The following PTPRK variants were observed in gnomAD, a reference collection of about 807,000 sequenced individuals.
The protein encoded by PTPRK is receptor-type tyrosine-protein phosphatase kappa.
In PTPRK, 75 loss-of-function variants were observed where a neutral mutation model predicts 178.0. The ratio of observed to expected loss-of-function variants is 0.42; its 90% confidence interval spans 0.35 to 0.51. The LOEUF is 0.51. Ranked by LOEUF, PTPRK falls within the 20% of genes least tolerant of loss-of-function variation. The probability of loss-of-function intolerance (pLI) is 0.02; values close to 1 mark genes in which losing one functional copy is unlikely to be tolerated. For missense variants in PTPRK, 1,441 were observed against 1,797.8 expected, an observed-to-expected ratio of 0.80 and a Z score of 3.59; for synonymous variants, 637 against 620.6, an observed-to-expected ratio of 1.03 and a Z score of -0.39.
chr6:128,394,591 T>G (rs777358347), intron 2 of PTPRK, among the ~76,000 whole-genome samples: 13 of 152,216 alleles, frequency 8.5e-5, no homozygotes, highest in Non-Finnish European at 1.9e-4. Flanking sequence ...TCATATGATT[T>G]GGGGACACTA....
intron 1 of PTPRK, among the ~76,000 whole-genome samples, chr6:128,461,992 T>A (rs1012267937): frequency 6.6e-6 from 1 of 152,172 alleles, no homozygotes; most frequent in African/African-American, 2.4e-5. Context: ...TTTGTTGGTA[T>A]TTTTTTCTTT....
intron 2 of PTPRK, among the ~76,000 whole-genome samples, chr6:128,327,655 A>G (rs774016473): frequency 1.3e-5 from 2 of 152,196 alleles, no homozygotes; most frequent in Non-Finnish European, 2.9e-5. Context: ...TCAGAAGGGT[A>G]ATTTTGTTCT....
At chr6:127,990,984 T>C in intron 20 of PTPRK, 99 bp from the exon 21 acceptor site, 1 of 753,402 alleles carries the variant, frequency 1.3e-6, no homozygotes, top group South Asian at 2.0e-5. Context: ...CAATTAAAAC[T>C]CAGTTTAAAA....
chr6:128,330,803 C>T (rs1325435609), intron 2 of PTPRK, among the ~76,000 whole-genome samples: 1 of 152,002 alleles, frequency 6.6e-6, no homozygotes, highest in Non-Finnish European at 1.5e-5. Flanking sequence ...TCTTACACCT[C>T]TCTTCCCTTA....
chr6:128,091,448 C>A (rs1278105305), intron 7 of PTPRK, among the ~76,000 whole-genome samples: 1 of 152,264 alleles, frequency 6.6e-6, no homozygotes, highest in Admixed American at 6.5e-5. Context: ...TGACTGCCCA[C>A]CAGCTAACCA....
rs562187809 is a variant in PTPRK at position 128,175,321 on chromosome 6, G to T, written c.1162+9111C>A. 4.6e-5 allele frequency among the ~76,000 whole-genome samples: 7 copies of T among 151,862 alleles called. No homozygotes were observed. In the East Asian group the frequency reaches 5.8e-4, roughly 13 times the overall value. The stretch of plus-strand genomic sequence containing the variant: ...TTGGCCTTGATGGTGTCAGTAAAGC[G>T]CATTGATATAATACTTTCAAAAAGT... On this transcript the variant is annotated intron_variant, in intron 7 of 29. Transcript: ENST00000368226.
In PTPRK at chr6:128,359,624, C is replaced by T. The variant is rs147966784; in HGVS notation, c.224-37314G>A. Among the ~76,000 whole-genome samples, 580 of 151,990 alleles carry T rather than the reference C, an allele frequency of 3.8e-3. 10 individuals are homozygous for T. The highest frequency in any genetic ancestry group is 2.3e-3 in the East Asian group (12 of 5,152). ...AAAAGTAGCCAGGTGTGGTGGCAAG[C>T]GCCTGTAATCCCAGCTACTTGGGAG... On this transcript the variant is annotated intron_variant, in intron 2 of 29. Coordinates refer to ENST00000368226, the MANE Select transcript of PTPRK (RefSeq NM_002844.4).
chr6:128,076,593 G>T (rs1032587130), intron 11 of PTPRK, among the ~76,000 whole-genome samples: 7 of 151,882 alleles, frequency 4.6e-5, no homozygotes, highest in Admixed American at 2.0e-4. Flanking sequence ...AATATTCCAG[G>T]ATTTAAATTT....
At chr6:128,035,367 A>AAAATAAATAAATAAATAAAT (rs34826115) in intron 13 of PTPRK, among the ~76,000 whole-genome samples, 41 of 151,042 alleles carry the variant, frequency 2.7e-4, no homozygotes, top group African/African-American at 9.8e-4. Flanking sequence ...ACTCTGTCTC[A>AAAATAAATAAATAAATAAAT]AAATAAATAA....
intron 14 of PTPRK, among the ~76,000 whole-genome samples, chr6:128,008,277 G>C (rs1462842000): frequency 2.0e-5 from 3 of 150,754 alleles, no homozygotes; most frequent in African/African-American, 7.3e-5. Context: ...AGAATTCACT[G>C]ATCACAACCA....
chr6:128,447,627 C>G (rs1336658892), intron 1 of PTPRK, among the ~76,000 whole-genome samples: 1 of 146,938 alleles, frequency 6.8e-6, no homozygotes, highest in Non-Finnish European at 1.5e-5. Context: ...CAAAACCGTG[C>G]CTTTTTTTTT....
chr6:128,230,824 A>G (rs1423118852), intron 5 of PTPRK: 1 of 152,200 alleles, frequency 6.6e-6, no homozygotes, highest in Non-Finnish European at 1.5e-5. Flanking sequence ...TATCGATAAA[A>G]AGCAATCCTT....
chr6:128,053,610 TCACCTC>T (rs531985932), intron 13 of PTPRK, among the ~76,000 whole-genome samples: 32 of 152,246 alleles, frequency 2.1e-4, no homozygotes, highest in African/African-American at 7.5e-4. Context: ...CCCCAACAGT[TCACCTC>T]CACATGTGGA....
At position 127,991,530 on chromosome 6, in the gene PTPRK, T is replaced by G. The variant is rs1468839438; in HGVS notation, c.2882-139A>C. ...CAAAATGTCACTGAAAATACTTAAATTCAGTTCATATCTAAATTCCCACAA... is the reference window on the plus strand; with the variant it reads ...CAAAATGTCACTGAAAATACTTAAAGTCAGTTCATATCTAAATTCCCACAA... On this transcript the variant is annotated intron_variant, in intron 19 of 29. Coordinates refer to ENST00000368226, the MANE Select transcript of PTPRK (RefSeq NM_002844.4). 3 of 520,308 alleles carry G rather than the reference T, an allele frequency of 5.8e-6. No individual in the cohort carries two copies. The East Asian group carries it at 1.0e-4, about 18-fold the overall frequency. The allele number at this position is 520,308 out of a possible 1,614,324, so 32.2% of individuals were successfully genotyped here. A position where few individuals can be genotyped will look rare whatever the true frequency, so the allele number is the denominator to read the frequency against.
chr6:128,080,730 C>T lies in PTPRK; in HGVS notation c.1777+1707G>A, dbSNP rs117248973. ...TTTAAATGCTGAGAAATGTAATTAC[C>T]GGACTCAGGGAATAAATTTGACAAT... On this transcript the variant is annotated intron_variant, in intron 10 of 29. Transcript: ENST00000368226. Among the ~76,000 whole-genome samples, 80 of 151,842 alleles carry T rather than the reference C, an allele frequency of 5.3e-4. 1 individual carries two copies. The highest frequency in any genetic ancestry group is 8.8e-4 in the Non-Finnish European group (60 of 67,898).
At chr6:128,026,222 T>C (rs1774267040) in intron 13 of PTPRK, among the ~76,000 whole-genome samples, 1 of 152,220 alleles carries the variant, frequency 6.6e-6, no homozygotes. Context: ...TTCCGTTGTT[T>C]GTAATTTGTT....
chr6:128,266,977 AACTT>A (rs1819053848), intron 3 of PTPRK, among the ~76,000 whole-genome samples: 1 of 152,148 alleles, frequency 6.6e-6, no homozygotes, highest in Non-Finnish European at 1.5e-5. Context: ...ACTGTAAGGA[AACTT>A]ATTTATTATG....
At chr6:128,297,527 C>G (rs561052760) in intron 3 of PTPRK, among the ~76,000 whole-genome samples, 1 of 152,340 alleles carries the variant, frequency 6.6e-6, no homozygotes, top group African/African-American at 2.4e-5. Flanking sequence ...CAAACTGTCT[C>G]TCAGACCACA....
intron 3 of PTPRK, among the ~76,000 whole-genome samples, chr6:128,310,468 C>T (rs1215363461): frequency 1.3e-5 from 2 of 152,134 alleles, no homozygotes; most frequent in Non-Finnish European, 2.9e-5. Context: ...AAACTCCGAA[C>T]AAGGAAGACA....
Sources: allele counts gnomAD v4.1 joint callset (sites outside exome capture counted in the v4.1 genomes callset), GRCh38; gene constraint gnomAD v4.1.1; transcripts MANE v1.5; gene names NCBI Gene and HGNC (gene_info 2026-07-23, HGNC 2026-07-21).